Variants in IL17RB observed in about 807,000 individuals in gnomAD.
IL17RB encodes the protein interleukin 17 receptor B, also known as interleukin-17 receptor B.
In IL17RB, 36 loss-of-function variants were observed where a neutral mutation model predicts 43.9. The ratio of observed to expected loss-of-function variants is 0.82; its 90% CI spans 0.63 to 1.08. The LOEUF is 1.08. IL17RB is among the 50% of genes least tolerant of loss of function. The pLI is 0.00. For missense variants in IL17RB, 613 were observed against 613.6 expected, an observed-to-expected ratio of 1.00 and a Z score of 0.01; for synonymous variants, 225 against 225.4, an observed-to-expected ratio of 1.00 and a Z score of 0.02.
intron 9 of IL17RB, chr3:53,859,828 G>C: frequency 4.5e-6 from 1 of 223,424 alleles, no homozygotes; most frequent in South Asian, 9.5e-5. Flanking sequence ...AAGAGCTTCT[G>C]ACTGATGGTT....
chr3:53,851,951 A>C, intron 3 of IL17RB, 48 bp from the exon 4 acceptor site: 1 of 1,610,620 alleles, frequency 6.2e-7, no homozygotes, highest in Non-Finnish European at 8.5e-7. Flanking sequence ...CAAGTCAGCC[A>C]CACAGCAAGT....
intron 2 of IL17RB, 114 bp from the exon 3 acceptor site, chr3:53,849,541 A>AAG: frequency 1.0e-6 from 1 of 976,594 alleles, no homozygotes; most frequent in South Asian, 2.4e-5. Context: ...TAAAAAAAAA[A>AAG]GAAGTGAGGA....
chr3:53,857,337 A>C (rs1409703455), intron 7 of IL17RB, among the ~76,000 whole-genome samples: 1 of 152,170 alleles, frequency 6.6e-6, no homozygotes, highest in African/African-American at 2.4e-5. Flanking sequence ...CCAGGCTGGA[A>C]TGCAGTGGCA....
chr3:53,847,485 T>TAAAA (rs11332832), intron 1 of IL17RB, among the ~76,000 whole-genome samples: 4 of 140,810 alleles, frequency 2.8e-5, no homozygotes, highest in South Asian at 4.7e-4. Context: ...GCTCATTTGT[T>TAAAA]AAAAAAAAAA....
chr3:53,856,723 C>A, intron 6 of IL17RB, 121 bp from the exon 7 acceptor site: 1 of 877,688 alleles, frequency 1.1e-6, no homozygotes, highest in Non-Finnish European at 1.8e-6. Flanking sequence ...TATGTAGCAG[C>A]GTCCCTATCT....
At chr3:53,854,823 T>C (rs536480482) in intron 5 of IL17RB, among the ~76,000 whole-genome samples, 2 of 152,348 alleles carry the variant, frequency 1.3e-5, no homozygotes, top group East Asian at 3.9e-4. Flanking sequence ...AAATGTCCTT[T>C]TCAAATGATG....
intron 5 of IL17RB, among the ~76,000 whole-genome samples, chr3:53,853,415 T>C (rs1052513241): frequency 3.3e-5 from 5 of 152,258 alleles, no homozygotes; most frequent in Non-Finnish European, 7.3e-5. Context: ...TTTATATCAC[T>C]GATGCAAAAT....
chr3:53,863,002 A>G (rs1027369094), intron 10 of IL17RB, among the ~76,000 whole-genome samples: 1 of 152,122 alleles, frequency 6.6e-6, no homozygotes, highest in Non-Finnish European at 1.5e-5. Context: ...TCGTCAGCCT[A>G]CTCAACAAGA....
chr3:53,851,945 T>C (rs1699164650), intron 3 of IL17RB, 54 bp from the exon 4 acceptor site: 1 of 1,606,050 alleles, frequency 6.2e-7, no homozygotes, highest in Non-Finnish European at 8.5e-7. Flanking sequence ...TAGCATCAAG[T>C]CAGCCACACA....
intron 3 of IL17RB, 55 bp from the exon 4 acceptor site, chr3:53,851,944 G>A (rs1699164538): frequency 1.3e-5 from 21 of 1,605,618 alleles, no homozygotes; most frequent in Non-Finnish European, 1.8e-5. Context: ...CTAGCATCAA[G>A]TCAGCCACAC....
intron 4 of IL17RB, 98 bp from the exon 5 acceptor site, chr3:53,852,773 G>T: frequency 1.7e-6 from 2 of 1,151,484 alleles, no homozygotes; most frequent in South Asian, 2.9e-5. Flanking sequence ...TTCACAGAGT[G>T]AGTAATGAAA....
At position 53,856,913 on chromosome 3, in the gene IL17RB, C is replaced by T; in HGVS notation, c.599C>T (p.Thr200Ile). The change falls in exon 7 of 11, where the codon ACC becomes ATC. Residue 200 changes from threonine (T) to isoleucine (I), a missense_variant. Physicochemically the swap from Thr to Ile is moderately conservative, Grantham distance 89. Coordinates refer to ENST00000288167, the MANE Select transcript of IL17RB (RefSeq NM_018725.4). ...NEETVEVNFT[T>I]TPLGNRYMAL... ...GAGACAGTAGAAGTGAACTTCACAACCACTCCCCTGGGAAACAGATACATG... is the reference window on the plus strand; with the variant it reads ...GAGACAGTAGAAGTGAACTTCACAATCACTCCCCTGGGAAACAGATACATG... 2 of 1,613,986 alleles carry T rather than the reference C, an allele frequency of 1.2e-6. No homozygotes were observed. The highest frequency in any genetic ancestry group is 8.5e-7 in the Non-Finnish European group (1 of 1,179,864).
At position 53,864,462 on chromosome 3, in the gene IL17RB, G is replaced by C. The variant is rs148227310; in HGVS notation, c.947-284G>C. 1.4e-3 allele frequency among the ~76,000 whole-genome samples: 211 copies of C among 152,260 alleles called. 2 individuals are homozygous for C. Among genetic ancestry groups the C allele is most frequent in the African/African-American group, 4.9e-3 (203 of 41,548 alleles). On this transcript the variant is annotated intron_variant, in intron 10 of 10. Transcript: ENST00000288167. Reference sequence around the variant, plus strand: ...AGGCAGGAGAATGGCGTGAACCCAGGAGGCGGAGGTTGTAGTCAGCCGAGG... The same window carrying C: ...AGGCAGGAGAATGGCGTGAACCCAGCAGGCGGAGGTTGTAGTCAGCCGAGG...
At chr3:53,860,099 T>C in intron 9 of IL17RB, 31 bp from the exon 10 acceptor site, 1 of 1,497,404 alleles carries the variant, frequency 6.7e-7, no homozygotes. Flanking sequence ...GGATTTGTTT[T>C]CCAAAGGTGA....
chr3:53,858,279 GGGCA>G, intron 8 of IL17RB: 1 of 924,834 alleles, frequency 1.1e-6, no homozygotes, highest in East Asian at 1.0e-4. Context: ...ACACCAGAGG[GGGCA>G]GGCACCAGCC....
Position 53,865,037 on chromosome 3 carries a change from GCAGT to G in IL17RB, c.1240_1243del (p.Ser414ProfsTer20), listed in dbSNP as rs1699732064. ...GATGGTACCTGTGGCAAGAGCGAGG[GCAGT>G]CCCAGTGAGAACTCTCAAGACCTCT... On this transcript the variant is annotated frameshift_variant, in exon 11 of 11. Transcript: ENST00000288167. LOFTEE classifies it low-confidence loss of function (END_TRUNC). 1.2e-6 allele frequency: 2 copies of G among 1,614,148 alleles called. No individual in the cohort carries two copies. Among genetic ancestry groups the G allele is most frequent in the Non-Finnish European group, 8.5e-7 (1 of 1,180,026 alleles).
chr3:53,857,863 A>G, intron 8 of IL17RB, 173 bp downstream of exon 8: 1 of 627,900 alleles, frequency 1.6e-6, no homozygotes, highest in Non-Finnish European at 2.9e-6. Flanking sequence ...TGAGGTCAGG[A>G]GGCCGACGTG....
intron 5 of IL17RB, among the ~76,000 whole-genome samples, chr3:53,853,655 T>C (rs1195940890): frequency 6.6e-6 from 1 of 152,128 alleles, no homozygotes; most frequent in Non-Finnish European, 1.5e-5. Flanking sequence ...ATGGTGTGTG[T>C]GAAGGGTCTA....
intron 6 of IL17RB, among the ~76,000 whole-genome samples, chr3:53,856,612 C>T (rs1372017259): frequency 1.3e-5 from 2 of 152,208 alleles, no homozygotes; most frequent in African/African-American, 4.8e-5. Context: ...CCATACTCAG[C>T]CCAGGGAAGC....
Sources: gnomAD v4.1 joint callset for allele counts (sites outside exome capture counted in the v4.1 genomes callset) on GRCh38, gnomAD v4.1.1 for gene constraint, MANE v1.5 for transcripts, NCBI Gene and HGNC (gene_info 2026-07-23, HGNC 2026-07-21) for gene names.